PLEKHF2: variants seen among roughly 807,000 people sequenced by gnomAD.
PLEKHF2 encodes the protein pleckstrin homology and FYVE domain containing 2, also known as pleckstrin homology domain-containing family F member 2.
In PLEKHF2, 4 loss-of-function variants were observed where a neutral mutation model predicts 14.7. The ratio of observed to expected loss-of-function variants is 0.27; its 90% CI spans 0.13 to 0.62. The LOEUF is 0.62. Among genes scored for constraint, PLEKHF2 ranks in the 20% least tolerant of loss-of-function variants. PLEKHF2 has a pLI of 0.85. For missense variants in PLEKHF2, 201 were observed against 307.7 expected (o/e 0.65, Z 2.60); for synonymous variants, 90 against 103.5 (o/e 0.87, Z 0.79).
chr8:95,152,496 TTTAA>T (rs1156564116), intron 1 of PLEKHF2, among the ~76,000 whole-genome samples: 6 of 152,118 alleles, frequency 3.9e-5, no homozygotes, highest in South Asian at 2.1e-4. Flanking sequence ...ATATAATTTC[TTTAA>T]TTATGATAGA....
intron 1 of PLEKHF2, among the ~76,000 whole-genome samples, chr8:95,134,972 C>G (rs1290387211): frequency 6.6e-6 from 1 of 152,114 alleles, no homozygotes; most frequent in Non-Finnish European, 1.5e-5. Flanking sequence ...CCTTTAGTTT[C>G]TTAAGGGTGA....
intron 1 of PLEKHF2, among the ~76,000 whole-genome samples, chr8:95,147,193 T>TA (rs942821419): frequency 1.8e-4 from 28 of 151,994 alleles, no homozygotes; most frequent in African/African-American, 6.3e-4. Flanking sequence ...TTATTGTAAT[T>TA]AAAAAATGGT....
At chr8:95,138,191 AT>A (rs1810397699) in intron 1 of PLEKHF2, among the ~76,000 whole-genome samples, 1 of 151,960 alleles carries the variant, frequency 6.6e-6, no homozygotes, top group Admixed American at 6.6e-5. Flanking sequence ...TCCTTTTCTT[AT>A]CCCCAAGTTG....
intron 1 of PLEKHF2, among the ~76,000 whole-genome samples, chr8:95,139,363 G>C (rs967201662): frequency 6.6e-6 from 1 of 152,134 alleles, no homozygotes; most frequent in African/African-American, 2.4e-5. Context: ...ACAAAAATTA[G>C]TTGGGCAGGG....
intron 1 of PLEKHF2, among the ~76,000 whole-genome samples, chr8:95,142,971 G>A (rs1287367934): frequency 6.6e-6 from 1 of 152,148 alleles, no homozygotes; most frequent in Non-Finnish European, 1.5e-5. Flanking sequence ...CTCAAGATTG[G>A]GAGCTGCTGC....
Position 95,154,164 on chromosome 8 carries a change from A to T in PLEKHF2, c.120A>T (p.Gly40=). Residue 40 remains glycine, a synonymous_variant, in exon 2 of 2, where the codon GGA becomes GGT. Transcript: ENST00000315367. This position sits in a 1 kb window ranked among gnomAD's most constrained non-coding sequence, Gnocchi z 5.6. ...TIPGRVLIGE[G]VLTKLCRKKP... ...CTGGACGAGTTCTTATTGGAGAAGG[A>T]GTATTGACTAAGTTGTGCAGGAAAA... is the stretch of plus-strand genomic sequence containing the variant. The T allele has an allele frequency of 6.2e-7, 1 of 1,613,988 alleles. No homozygotes were observed. The highest frequency in any genetic ancestry group is 1.1e-5 in the South Asian group (1 of 91,080).
chr8:95,150,187 T>A (rs769858090), intron 1 of PLEKHF2, among the ~76,000 whole-genome samples: 4 of 152,150 alleles, frequency 2.6e-5, no homozygotes, highest in African/African-American at 9.7e-5. Context: ...CTCTCTCTTA[T>A]ATGTGTTTGT....
intron 1 of PLEKHF2, among the ~76,000 whole-genome samples, chr8:95,144,916 G>A (rs1162711325): frequency 2.7e-5 from 4 of 150,102 alleles, no homozygotes; most frequent in Admixed American, 6.6e-5. Flanking sequence ...CTGTGAGGCC[G>A]TTTGATAATT....
chr8:95,143,185 C>A (rs538946103), intron 1 of PLEKHF2, among the ~76,000 whole-genome samples: 1 of 151,414 alleles, frequency 6.6e-6, no homozygotes, highest in South Asian at 2.1e-4. Context: ...CTGCAAGCTC[C>A]GCCTCCTGGG....
chr8:95,146,735 G>T (rs912760621), intron 1 of PLEKHF2, among the ~76,000 whole-genome samples: 5 of 151,760 alleles, frequency 3.3e-5, no homozygotes, highest in Admixed American at 2.6e-4. Flanking sequence ...CTTTATAAAA[G>T]ATATGCTTCT....
intron 1 of PLEKHF2, among the ~76,000 whole-genome samples, chr8:95,140,177 A>C (rs1563881712): frequency 6.6e-6 from 1 of 152,064 alleles, no homozygotes; most frequent in African/African-American, 2.4e-5. Context: ...CTCTCTCCTA[A>C]AACAAAGCTA....
chr8:95,143,619 GAAC>G, intron 1 of PLEKHF2, among the ~76,000 whole-genome samples: 1 of 152,240 alleles, frequency 6.6e-6, no homozygotes, highest in African/African-American at 2.4e-5. Flanking sequence ...AAATAGAGAA[GAAC>G]AAAGGAGGGA....
intron 1 of PLEKHF2, among the ~76,000 whole-genome samples, chr8:95,153,650 G>T (rs950921139): frequency 1.3e-5 from 2 of 152,106 alleles, no homozygotes; most frequent in Non-Finnish European, 2.9e-5. Context: ...CTTAGTTTAT[G>T]TAACATTTTG....
rs28484779 is a variant in PLEKHF2, at chr8:95,143,110, T to A, written c.-15+9080T>A. On this transcript the variant is annotated intron_variant, in intron 1 of 1. Coordinates refer to ENST00000315367, the MANE Select transcript of PLEKHF2 (RefSeq NM_024613.4). ...GAAATAATCTTTTTTTTTTTTTTTCTTTTTTTTGAGATGGAGTCTCGCTCT... is the reference window on the plus strand; with the variant it reads ...GAAATAATCTTTTTTTTTTTTTTTCATTTTTTTGAGATGGAGTCTCGCTCT... 6.2e-4 allele frequency among the ~76,000 whole-genome samples: 92 copies of A among 148,062 alleles called. 2 individuals carry two copies. In the South Asian group the frequency reaches 0.014, roughly 23 times the overall value.
intron 1 of PLEKHF2, among the ~76,000 whole-genome samples, chr8:95,147,974 CCTT>C (rs1176790408): frequency 1.3e-5 from 2 of 151,714 alleles, no homozygotes; most frequent in African/African-American, 4.8e-5. Context: ...ATAAGTGAAA[CCTT>C]AGACTGTGAG....
chr8:95,145,593 T>G (rs889018773), intron 1 of PLEKHF2, among the ~76,000 whole-genome samples: 2 of 152,036 alleles, frequency 1.3e-5, no homozygotes, highest in African/African-American at 4.8e-5. Context: ...CTGGCTAATT[T>G]TTTTGTGTTT....
At chr8:95,137,909 C>T (rs1810393493) in intron 1 of PLEKHF2, among the ~76,000 whole-genome samples, 1 of 152,216 alleles carries the variant, frequency 6.6e-6, no homozygotes. Context: ...TCTTTTCTGT[C>T]ATAACTGGTT....
chr8:95,153,478 T>C (rs1810582744), intron 1 of PLEKHF2, among the ~76,000 whole-genome samples: 1 of 152,090 alleles, frequency 6.6e-6, no homozygotes, highest in African/African-American at 2.4e-5. Flanking sequence ...TGAGCAATGA[T>C]GGGGTCAAAT....
At chr8:95,140,464 T>G (rs951241377) in intron 1 of PLEKHF2, among the ~76,000 whole-genome samples, 1 of 152,214 alleles carries the variant, frequency 6.6e-6, no homozygotes, top group African/African-American at 2.4e-5. Context: ...ACCTTTGTCT[T>G]CCCATGGCCT....
Sources: allele counts gnomAD v4.1 joint callset (sites outside exome capture counted in the v4.1 genomes callset), GRCh38; gene constraint gnomAD v4.1.1; non-coding constraint Gnocchi (gnomAD v3.1); transcripts MANE v1.5; gene names NCBI Gene and HGNC (gene_info 2026-07-23, HGNC 2026-07-21).